ARHGEF33: variants seen among roughly 807,000 people sequenced by gnomAD.
ARHGEF33 encodes DH and coiled-coil domain-containing protein ENSP00000381780.
Under a neutral mutation model 101.9 loss-of-function variants are expected in ARHGEF33, and 72 were observed. The ratio of observed to expected loss-of-function variants is 0.71; its 90% CI spans 0.58 to 0.86. The LOEUF is 0.86. ARHGEF33 is among the 40% of genes least tolerant of loss of function. The pLI is 0.00. For synonymous variants in ARHGEF33, 499 were observed against 442.5 expected (o/e 1.13, Z -1.60); for missense variants, 1,169 against 1,111.3 (o/e 1.05, Z -0.74).
At chr2:38,908,165 C>T (rs1245559106) in intron 2 of ARHGEF33, among the ~76,000 whole-genome samples, 1 of 152,192 alleles carries the variant, frequency 6.6e-6, no homozygotes, top group East Asian at 1.9e-4. Flanking sequence ...CGTGCCTGGC[C>T]TCCAGGAGGC....
At chr2:38,922,667 C>A (rs562053761) in intron 4 of ARHGEF33, among the ~76,000 whole-genome samples, 94 of 152,254 alleles carry the variant, frequency 6.2e-4, no homozygotes, top group African/African-American at 2.2e-3. Flanking sequence ...ACAGATGAAA[C>A]AGACATTCTC....
intron 8 of ARHGEF33, 24 bp from the exon 9 acceptor site, chr2:38,937,311 C>CTTGGGGGGGGGGGGG: frequency 1.7e-6 from 1 of 583,932 alleles, no homozygotes; most frequent in Non-Finnish European, 3.0e-6. Context: ...CTTTGTTTCC[C>CTTGGGGGGGGGGGGG]CGCCCCTCCC....
rs6709365 is a variant in ARHGEF33, at chr2:38,896,098, A to G, written c.-86+249A>G. On this transcript the variant is annotated intron_variant, in intron 2 of 17. Transcript: ENST00000409978. ...AGACTTGATTGCGTATATGAATGCT[A>G]ACAGCATTGAGACAAGAATGAACTA... Among the ~76,000 whole-genome samples, 1,087 of 152,322 alleles carry G rather than the reference A, an allele frequency of 7.1e-3. 18 individuals are homozygous for G. The highest frequency in any genetic ancestry group is 0.024 in the African/African-American group (1,015 of 41,568).
Position 38,969,823 on chromosome 2 carries a change from C to A in ARHGEF33, c.2483+3678C>A, listed in dbSNP as rs988500181. Among the ~76,000 whole-genome samples, 13 of 152,210 alleles carry A rather than the reference C, an allele frequency of 8.5e-5. No homozygotes were observed. In the East Asian group the frequency reaches 2.3e-3, roughly 27 times the overall value. ...TAGGCTGATGTTAGCTAGACCAATA[C>A]TTATTCCCCTGCCTTTGAGCAGGAT... is the stretch of plus-strand genomic sequence containing the variant. On this transcript the variant is annotated intron_variant, in intron 17 of 17. Coordinates refer to ENST00000409978, the MANE Select transcript of ARHGEF33 (RefSeq NM_001145451.5).
chr2:38,913,770 GAA>G, intron 2 of ARHGEF33, among the ~76,000 whole-genome samples: 1 of 131,890 alleles, frequency 7.6e-6, no homozygotes, highest in Middle Eastern at 3.7e-3. Context: ...CTCTGTCTCA[GAA>G]AAAAAAAAAA....
chr2:38,962,057 G>C (rs1667955526), intron 16 of ARHGEF33, among the ~76,000 whole-genome samples: 1 of 152,190 alleles, frequency 6.6e-6, no homozygotes, highest in Non-Finnish European at 1.5e-5. Flanking sequence ...TCCCTGCAGA[G>C]GACAAAAACA....
At chr2:38,896,150 T>C (rs901447101) in intron 2 of ARHGEF33, among the ~76,000 whole-genome samples, 3 of 152,192 alleles carry the variant, frequency 2.0e-5, no homozygotes, top group African/African-American at 7.2e-5. Context: ...CGTTTTGTTT[T>C]GTTTTGTTTT....
intron 2 of ARHGEF33, among the ~76,000 whole-genome samples, chr2:38,901,419 G>C (rs1666233913): frequency 6.6e-6 from 1 of 152,208 alleles, no homozygotes; most frequent in African/African-American, 2.4e-5. Flanking sequence ...CTGAGGCTGT[G>C]CTGTGGATGG....
Position 38,919,454 on chromosome 2 carries a change from A to G in ARHGEF33, c.7A>G (p.Lys3Glu), listed in dbSNP as rs1666708277. ME[K>E]TKTKQGENEH... ...AAGAGAAGTAACCGGCACTATGGAAAAAACCAAAACAAAGCAAGGTCAGAT... is the reference window on the plus strand; with the variant it reads ...AAGAGAAGTAACCGGCACTATGGAAGAAACCAAAACAAAGCAAGGTCAGAT... Residue 3 changes from lysine to glutamate, a missense_variant, in exon 3 of 18, where the codon AAA (lysine) becomes GAA (glutamate). By Grantham distance (56) the Lys-to-Glu change is moderately conservative. Transcript: ENST00000409978. 7.1e-6 allele frequency: 11 copies of G among 1,551,824 alleles called. No individual in the cohort carries two copies. Among genetic ancestry groups the G allele is most frequent in the Non-Finnish European group, 9.6e-6 (11 of 1,146,962 alleles).
In ARHGEF33 at chr2:38,958,124, C is replaced by A; in HGVS notation, c.1461C>A (p.Val487=). Reference sequence around the variant, plus strand: ...CCCCCACTGCAGGTCCTGAGGCTGTCCGTGACACTGGGATCCACTCAGAAG... The same window carrying A: ...CCCCCACTGCAGGTCCTGAGGCTGTACGTGACACTGGGATCCACTCAGAAG... ...DASPTAGPEA[V]RDTGIHSEEL... is the part of the protein sequence containing the mutation. The change falls in exon 15 of 18, where the codon GTC becomes GTA. Residue 487 remains valine (V), a synonymous_variant. Transcript: ENST00000409978. 1 of 1,552,044 alleles carries A rather than the reference C, an allele frequency of 6.4e-7. No individual in the cohort carries two copies. The highest frequency in any genetic ancestry group is 1.4e-5 in the African/African-American group (1 of 73,160).
Position 38,975,213 on chromosome 2 carries a change from C to T in ARHGEF33, c.*1370C>T, listed in dbSNP as rs774953528. The T allele has an allele frequency of 2.0e-5, 3 of 152,204 alleles. No homozygotes were observed. Among genetic ancestry groups the T allele is most frequent in the Non-Finnish European group, 4.4e-5 (3 of 68,024 alleles). 9.4% of individuals were successfully genotyped at this position (152,204 alleles called of 1,614,324 possible). ...TGACAAATTAGGAACTCACCTACTGCGTTTTGAATAGTAGTTGTCTGGAAC... is the reference window on the plus strand; with the variant it reads ...TGACAAATTAGGAACTCACCTACTGTGTTTTGAATAGTAGTTGTCTGGAAC... On this transcript the variant is annotated 3_prime_UTR_variant, in exon 18 of 18. Coordinates refer to ENST00000409978, the MANE Select transcript of ARHGEF33 (RefSeq NM_001145451.5).
intron 10 of ARHGEF33, among the ~76,000 whole-genome samples, chr2:38,948,464 C>T (rs541135389): frequency 5.3e-5 from 8 of 151,968 alleles, no homozygotes; most frequent in Admixed American, 1.3e-4. Flanking sequence ...GGTACCAGCT[C>T]TCCCATTCTC....
Position 38,974,077 on chromosome 2 carries a change from A to G in ARHGEF33, c.*234A>G, listed in dbSNP as rs905290602. 5.8e-6 allele frequency: 1 copy of G among 171,654 alleles called. No individual in the cohort carries two copies. Among genetic ancestry groups the G allele is most frequent in the East Asian group, 1.6e-4 (1 of 6,334 alleles). 10.6% of individuals were successfully genotyped at this position (171,654 alleles called of 1,614,324 possible). On this transcript the variant is annotated 3_prime_UTR_variant, in exon 18 of 18. Transcript: ENST00000409978. The stretch of plus-strand genomic sequence containing the variant: ...CTTTTTGAACCTCAACACTGGGGAA[A>G]AGGGAAATGAAGACTTTTCACATCA...
In ARHGEF33 at chr2:38,945,097, G is replaced by C. The variant is rs1466120027; in HGVS notation, c.920+1067G>C. On this transcript the variant is annotated intron_variant, in intron 10 of 17. Coordinates refer to ENST00000409978, the MANE Select transcript of ARHGEF33 (RefSeq NM_001145451.5). ...ATAATCCAGAAAAATTGAAGAAAAG[G>C]CCAATCCAAAAGAATGGAAAGTCTG... is the stretch of plus-strand genomic sequence containing the variant. Among the ~76,000 whole-genome samples the C allele has an allele frequency of 2.0e-5, 3 of 152,064 alleles. No individual in the cohort carries two copies. The East Asian group carries it at 5.8e-4, about 29-fold the overall frequency.
At chr2:38,909,492 C>CTT (rs768568418) in intron 2 of ARHGEF33, among the ~76,000 whole-genome samples, 8 of 117,394 alleles carry the variant, frequency 6.8e-5, no homozygotes, top group African/African-American at 9.4e-5. Flanking sequence ...TGGCTAATTT[C>CTT]TTTTTTTTTT....
chr2:38,907,465 C>A (rs931930484), intron 2 of ARHGEF33, among the ~76,000 whole-genome samples: 4 of 152,202 alleles, frequency 2.6e-5, no homozygotes, highest in African/African-American at 9.6e-5. Flanking sequence ...GCAGCAGTAA[C>A]CTGGTTTCCC....
chr2:38,966,103 A>AG lies in ARHGEF33; in HGVS notation c.2447dup (p.Phe817LeufsTer10). On this transcript the variant is annotated frameshift_variant, in exon 17 of 18. Coordinates refer to ENST00000409978, the MANE Select transcript of ARHGEF33 (RefSeq NM_001145451.5). LOFTEE classifies it high-confidence loss of function. ...GATCAAAATCCCAGGCAAGACCAGA[A>AG]GGGGGGCTTTCGCAGCTCCTTCCGC... The AG allele has an allele frequency of 1.3e-6, 2 of 1,551,748 alleles. No individual in the cohort carries two copies. The highest frequency in any genetic ancestry group is 1.7e-6 in the Non-Finnish European group (2 of 1,146,992).
intron 17 of ARHGEF33, among the ~76,000 whole-genome samples, chr2:38,967,994 A>C (rs1397640889): frequency 1.8e-5 from 2 of 113,694 alleles, no homozygotes; most frequent in South Asian, 2.7e-4. Context: ...ACAAACAGCC[A>C]TTTTTTGCCC....
At chr2:38,944,983 A>G (rs777397227) in intron 10 of ARHGEF33, among the ~76,000 whole-genome samples, 5 of 151,940 alleles carry the variant, frequency 3.3e-5, no homozygotes, top group Non-Finnish European at 5.9e-5. Flanking sequence ...TTCATAGTCT[A>G]GATTTTTTTC....
Sources: gnomAD v4.1 joint callset for allele counts (sites outside exome capture counted in the v4.1 genomes callset) on GRCh38, gnomAD v4.1.1 for gene constraint, MANE v1.5 for transcripts, NCBI Gene and HGNC (gene_info 2026-07-23, HGNC 2026-07-21) for gene names.